Variants in ADGB observed in about 807,000 individuals in gnomAD.
ADGB encodes androglobin, also known as calpain-7-like protein.
In ADGB, 172 loss-of-function variants were observed where a neutral mutation model predicts 210.5. The observed-to-expected ratio is 0.82, with a 90% confidence interval of 0.72 to 0.93. The LOEUF (loss-of-function observed/expected upper bound fraction) is 0.93. Among genes scored for constraint, ADGB ranks in the 40% least tolerant of loss-of-function variants. The pLI is 0.00. For missense variants in ADGB, 2,025 were observed against 1,964.8 expected (o/e 1.03, Z -0.58); for synonymous variants, 658 against 662.7 (o/e 0.99, Z 0.11).
chr6:146,607,039 G>C (rs535340522), intron 1 of ADGB, among the ~76,000 whole-genome samples: 21 of 152,226 alleles, frequency 1.4e-4, no homozygotes, highest in Non-Finnish European at 2.4e-4. Flanking sequence ...AGCATGGAGT[G>C]TTTTTCCATT....
At position 146,788,623 on chromosome 6, in the gene ADGB, G is replaced by A; in HGVS notation, c.4537+13G>A. ...AAGGAAAACATTCGTAAGTATTGCT[G>A]TCATTGGTAACATAAACATGTATTT... On this transcript the variant is annotated intron_variant, in intron 33 of 35. Transcript: ENST00000397944. 6.5e-7 allele frequency: 1 copy of A among 1,545,942 alleles called. No individual in the cohort carries two copies. Among genetic ancestry groups the A allele is most frequent in the South Asian group, 1.2e-5 (1 of 83,926 alleles).
intron 33 of ADGB, among the ~76,000 whole-genome samples, chr6:146,792,836 TATC>T (rs1363097970): frequency 2.0e-5 from 3 of 152,166 alleles, no homozygotes; most frequent in Non-Finnish European, 4.4e-5. Context: ...AAACATTTAT[TATC>T]ATTTTAATGT....
chr6:146,728,564 G>A lies in ADGB; in HGVS notation c.2353-10G>A, dbSNP rs1776932511. ...TGAGTGAGGATGGCTGCCATGCTTTGTCTTCACAGGAGAGCTGCCGATTTA... is the reference window on the plus strand; with the variant it reads ...TGAGTGAGGATGGCTGCCATGCTTTATCTTCACAGGAGAGCTGCCGATTTA... On this transcript the variant is annotated splice_polypyrimidine_tract_variant and intron_variant, in intron 19 of 35. Coordinates refer to ENST00000397944, the MANE Select transcript of ADGB (RefSeq NM_024694.4). 7 of 1,549,578 alleles carry A rather than the reference G, an allele frequency of 4.5e-6. No individual in the cohort carries two copies. Among genetic ancestry groups the A allele is most frequent in the Non-Finnish European group, 6.1e-6 (7 of 1,145,408 alleles).
At chr6:146,768,707 A>G (rs1002019801) in intron 28 of ADGB, among the ~76,000 whole-genome samples, 3 of 152,212 alleles carry the variant, frequency 2.0e-5, no homozygotes, top group African/African-American at 7.2e-5. Context: ...AACAGCTTTG[A>G]AAAAATACTC....
At chr6:146,654,340 T>G (rs1322765) in intron 4 of ADGB, 134 bp downstream of exon 4, 89,909 of 372,676 alleles carry the variant, frequency 0.24, 12,248 homozygotes, top group South Asian at 0.34. Flanking sequence ...ATATATATAA[T>G]ACCAAAAAAT....
intron 16 of ADGB, among the ~76,000 whole-genome samples, chr6:146,721,020 C>T (rs1032677574): frequency 2.6e-5 from 4 of 152,182 alleles, no homozygotes; most frequent in African/African-American, 4.8e-5. Context: ...CCATTCTCTG[C>T]CAAAGTTTCT....
chr6:146,734,544 G>A (rs1003627312), intron 22 of ADGB, among the ~76,000 whole-genome samples: 15 of 152,184 alleles, frequency 9.9e-5, no homozygotes, highest in African/African-American at 3.4e-4. Context: ...CATGTTAAGT[G>A]TGTTCTTAAA....
Position 146,656,979 on chromosome 6 carries a change from T to A in ADGB, c.611T>A (p.Met204Lys). The A allele has an allele frequency of 2.6e-6, 4 of 1,548,554 alleles. No homozygotes were observed. The highest frequency in any genetic ancestry group is 3.5e-6 in the Non-Finnish European group (4 of 1,144,462). Residue 204 changes from methionine to lysine, a missense_variant and splice_region_variant, in exon 5 of 36, where the codon ATG (methionine) becomes AAG (lysine). Physicochemically the swap from Met to Lys is moderately conservative, Grantham distance 95 (BLOSUM62 -1). Coordinates refer to ENST00000397944, the MANE Select transcript of ADGB (RefSeq NM_024694.4). ...YGKYVVKLYW[M>K]GCWRKITIDD... ...AAGTATGTTGTGAAACTTTACTGGA[T>A]GGTAAGTCCATTTTCGTGTGCATAA...
chr6:146,668,505 A>G (rs1775966221), intron 7 of ADGB, among the ~76,000 whole-genome samples: 1 of 152,096 alleles, frequency 6.6e-6, no homozygotes, highest in South Asian at 2.1e-4. Context: ...ACTCTTTTAT[A>G]TCTTCTTTTG....
intron 30 of ADGB, among the ~76,000 whole-genome samples, chr6:146,784,046 A>C (rs1298508876): frequency 2.0e-5 from 3 of 152,244 alleles, no homozygotes; most frequent in African/African-American, 7.2e-5. Flanking sequence ...GAAATGCACA[A>C]ATCACAGTTA....
At chr6:146,800,000 G>A (rs1015507904) in intron 33 of ADGB, among the ~76,000 whole-genome samples, 1 of 152,056 alleles carries the variant, frequency 6.6e-6, no homozygotes, top group Non-Finnish European at 1.5e-5. Flanking sequence ...TGTAGAGATG[G>A]GGTTTCACCA....
Position 146,769,036 on chromosome 6 carries a change from T to C in ADGB, c.3767T>C (p.Ile1256Thr), listed in dbSNP as rs1362402426. The C allele has an allele frequency of 1.3e-6, 2 of 1,512,496 alleles. No homozygotes were observed. Among genetic ancestry groups the C allele is most frequent in the African/African-American group, 1.4e-5 (1 of 72,798 alleles). 93.7% of individuals were successfully genotyped at this position (1,512,496 alleles called of 1,614,324 possible). A position where few individuals can be genotyped will look rare whatever the true frequency, so the allele number is the denominator to read the frequency against. ...STPLQNYKYI[I>T]QCSVLYNSWP... ...ATTTCACAGAATTACAAGTATATTA[T>C]ACAGTGTTCGGTGTTGTATAACAGT... is the stretch of plus-strand genomic sequence containing the variant. The change falls in exon 29 of 36, where the codon ATA (isoleucine) becomes ACA (threonine). Residue 1256 changes from isoleucine to threonine, a missense_variant. Coordinates refer to ENST00000397944, the MANE Select transcript of ADGB (RefSeq NM_024694.4).
At chr6:146,709,467 G>A (rs982043602) in intron 13 of ADGB, among the ~76,000 whole-genome samples, 1 of 152,214 alleles carries the variant, frequency 6.6e-6, no homozygotes, top group African/African-American at 2.4e-5. Flanking sequence ...CTAGTGCCTA[G>A]ATCAGCAGGT....
chr6:146,730,183 T>G (rs1478987200), intron 20 of ADGB, among the ~76,000 whole-genome samples: 1 of 152,198 alleles, frequency 6.6e-6, no homozygotes, highest in Non-Finnish European at 1.5e-5. Context: ...ATTTTATCCA[T>G]TATTCAAACT....
chr6:146,814,567 A>G (rs958777234), intron 35 of ADGB, among the ~76,000 whole-genome samples: 3 of 152,200 alleles, frequency 2.0e-5, no homozygotes, highest in African/African-American at 7.2e-5. Context: ...TGAGAATGAA[A>G]GTCAAGCTGA....
intron 17 of ADGB, among the ~76,000 whole-genome samples, chr6:146,722,183 A>G (rs1776828460): frequency 6.6e-6 from 1 of 152,018 alleles, no homozygotes; most frequent in African/African-American, 2.4e-5. Context: ...TTGGTCCCCT[A>G]CTTTCATGGT....
chr6:146,705,598 A>G (rs1776558953), intron 13 of ADGB, among the ~76,000 whole-genome samples: 1 of 152,144 alleles, frequency 6.6e-6, no homozygotes, highest in South Asian at 2.1e-4. Context: ...TGCATATGTC[A>G]AACCATCCTT....
At chr6:146,600,874 A>G (rs1156786442) in intron 1 of ADGB, among the ~76,000 whole-genome samples, 3 of 151,670 alleles carry the variant, frequency 2.0e-5, no homozygotes, top group African/African-American at 7.3e-5. Flanking sequence ...TCTCTTAACT[A>G]GGAGATATTA....
In ADGB at chr6:146,724,279, A is replaced by G; in HGVS notation, c.2189A>G (p.Lys730Arg). 2 of 1,550,734 alleles carry G rather than the reference A, an allele frequency of 1.3e-6. No homozygotes were observed. The highest frequency in any genetic ancestry group is 1.7e-6 in the Non-Finnish European group (2 of 1,146,582). The change falls in exon 18 of 36, where the codon AAG (lysine) becomes AGG (arginine). Residue 730 changes from lysine to arginine, a missense_variant. Physicochemically the swap from Lys to Arg is conservative, Grantham distance 26. Transcript: ENST00000397944. ...CTGAAACCAGGCAGTCTTGTTCTGAAGATTCACACATATGCTACCAAGGCT... is the reference window on the plus strand; with the variant it reads ...CTGAAACCAGGCAGTCTTGTTCTGAGGATTCACACATATGCTACCAAGGCT... ...KSLKPGSLVL[K>R]IHTYATKATV...
Sources: gnomAD v4.1 joint callset for allele counts (sites outside exome capture counted in the v4.1 genomes callset) on GRCh38, gnomAD v4.1.1 for gene constraint, MANE v1.5 for transcripts, NCBI Gene and HGNC (gene_info 2026-07-23, HGNC 2026-07-21) for gene names.